Variants in DOK5 observed in about 807,000 individuals in gnomAD.
DOK5 encodes downstream of tyrosine kinase 5.
In DOK5, 27 loss-of-function variants were observed where a neutral mutation model predicts 43.3. That is an observed-to-expected ratio of 0.62 (90% CI 0.46 to 0.86). The LOEUF (loss-of-function observed/expected upper bound fraction) is 0.86. Ranked by LOEUF, DOK5 falls within the 40% of genes least tolerant of loss-of-function variation. DOK5 has a pLI of 0.00. For synonymous variants in DOK5, 146 were observed against 140.1 expected (o/e 1.04, Z -0.30); for missense variants, 373 against 392.9 (o/e 0.95, Z 0.43).
chr20:54,544,570 G>T (rs76518428), intron 1 of DOK5, among the ~76,000 whole-genome samples: 1,680 of 152,294 alleles, frequency 0.011, 38 homozygotes, highest in African/African-American at 0.039. Context: ...CAGAGGAATT[G>T]CAGTAGGGAA....
chr20:54,562,079 C>T (rs970266336), intron 2 of DOK5, among the ~76,000 whole-genome samples: 5 of 152,228 alleles, frequency 3.3e-5, no homozygotes, highest in African/African-American at 1.2e-4. Flanking sequence ...TTATTCACAG[C>T]CAGGAGTATC....
chr20:54,502,614 A>G (rs1600666262), intron 1 of DOK5, among the ~76,000 whole-genome samples: 1 of 152,178 alleles, frequency 6.6e-6, no homozygotes, highest in Non-Finnish European at 1.5e-5. Context: ...GCATATACAT[A>G]TATAGGTATA....
chr20:54,517,863 C>T (rs1189430230), intron 1 of DOK5, among the ~76,000 whole-genome samples: 1 of 152,152 alleles, frequency 6.6e-6, no homozygotes, highest in East Asian at 1.9e-4. Flanking sequence ...GTCTATGGAC[C>T]ATGAAATGGG....
chr20:54,494,798 A>C (rs1303098018), intron 1 of DOK5: 3 of 151,740 alleles, frequency 2.0e-5, no homozygotes, highest in African/African-American at 7.3e-5. Flanking sequence ...ACTCCCTCCA[A>C]GGTGCTGATC....
chr20:54,558,273 G>A (rs1352384207), intron 2 of DOK5, among the ~76,000 whole-genome samples: 3 of 152,164 alleles, frequency 2.0e-5, no homozygotes, highest in Admixed American at 1.3e-4. Context: ...TGAATAAAGG[G>A]AAGTTGAGGA....
intron 2 of DOK5, among the ~76,000 whole-genome samples, chr20:54,568,303 G>A (rs766071729): frequency 2.5e-4 from 38 of 152,258 alleles, no homozygotes; most frequent in Non-Finnish European, 4.7e-4. Context: ...TCTTAATAGC[G>A]TATACCTCTA....
At chr20:54,584,744 A>G (rs925943441) in intron 2 of DOK5, among the ~76,000 whole-genome samples, 1 of 147,864 alleles carries the variant, frequency 6.8e-6, no homozygotes, top group African/African-American at 2.6e-5. Flanking sequence ...TATACACTAT[A>G]ATATGTGTGT....
At chr20:54,512,527 C>T (rs1327400962) in intron 1 of DOK5, among the ~76,000 whole-genome samples, 1 of 152,080 alleles carries the variant, frequency 6.6e-6, no homozygotes, top group African/African-American at 2.4e-5. Context: ...GTAACAGCAG[C>T]CTACAGTGGG....
At chr20:54,476,255 A>T in intron 1 of DOK5, 1 of 951,334 alleles carries the variant, frequency 1.1e-6, no homozygotes, top group Middle Eastern at 5.4e-4. Context: ...GTTGGGCTTC[A>T]GTAGCCCCTG....
intron 5 of DOK5, among the ~76,000 whole-genome samples, chr20:54,607,737 G>T (rs1986514869): frequency 6.6e-6 from 1 of 151,988 alleles, no homozygotes; most frequent in Admixed American, 6.6e-5. Context: ...ACAAAAATTA[G>T]CTGGGAGTGG....
chr20:54,615,325 G>C (rs1345794551), intron 6 of DOK5, among the ~76,000 whole-genome samples: 1 of 152,210 alleles, frequency 6.6e-6, no homozygotes, highest in African/African-American at 2.4e-5. Context: ...AATCTATGCA[G>C]TCTGTGAATG....
intron 2 of DOK5, among the ~76,000 whole-genome samples, chr20:54,568,244 A>T (rs115155783): frequency 6.6e-6 from 1 of 152,368 alleles, no homozygotes; most frequent in Admixed American, 6.5e-5. Context: ...TTATGAAGTG[A>T]ATTGATTGTA....
chr20:54,563,593 T>C (rs1984985030), intron 2 of DOK5, among the ~76,000 whole-genome samples: 1 of 152,062 alleles, frequency 6.6e-6, no homozygotes, highest in African/African-American at 2.4e-5. Context: ...TGAGACTGAT[T>C]CTTATATCAG....
intron 7 of DOK5, among the ~76,000 whole-genome samples, chr20:54,646,257 T>G (rs983076162): frequency 7.2e-6 from 1 of 137,976 alleles, no homozygotes; most frequent in Non-Finnish European, 1.6e-5. Flanking sequence ...TGTTTTTTTT[T>G]TTTTTTTTTT....
At chr20:54,509,293 C>T (rs1174024476) in intron 1 of DOK5, among the ~76,000 whole-genome samples, 1 of 152,196 alleles carries the variant, frequency 6.6e-6, no homozygotes, top group African/African-American at 2.4e-5. Context: ...TGGGCTCCAG[C>T]GATTTTCCCA....
chr20:54,486,766 T>C (rs1311795428), intron 1 of DOK5, among the ~76,000 whole-genome samples: 1 of 152,184 alleles, frequency 6.6e-6, no homozygotes, highest in African/African-American at 2.4e-5. Flanking sequence ...ATACGAAAGA[T>C]GAATATACCA....
intron 1 of DOK5, among the ~76,000 whole-genome samples, chr20:54,496,602 C>A (rs1982402691): frequency 6.6e-6 from 1 of 151,924 alleles, no homozygotes; most frequent in East Asian, 1.9e-4. Flanking sequence ...CCCGTCTCTA[C>A]TAAAAATACA....
rs145796386 is a variant in DOK5 at position 54,641,000 on chromosome 20, C to G, written c.736-2458C>G. ...GAGGTGAGGGATATGTTAATTAGCTCAAATGAATTTTTTTATAGTATGTAC... is the reference window on the plus strand; with the variant it reads ...GAGGTGAGGGATATGTTAATTAGCTGAAATGAATTTTTTTATAGTATGTAC... On this transcript the variant is annotated intron_variant, in intron 6 of 7. Coordinates refer to ENST00000262593, the MANE Select transcript of DOK5 (RefSeq NM_018431.5). Among the ~76,000 whole-genome samples the G allele has an allele frequency of 5.6e-4, 86 of 152,220 alleles. 1 individual carries two copies. The East Asian group carries it at 0.014, about 25-fold the overall frequency.
intron 1 of DOK5, among the ~76,000 whole-genome samples, chr20:54,480,849 C>T (rs887284520): frequency 1.3e-5 from 2 of 152,120 alleles, no homozygotes; most frequent in African/African-American, 4.8e-5. Context: ...GCTCTCTCAC[C>T]TCCTTCAGCC....
Sources: allele counts gnomAD v4.1 joint callset (sites outside exome capture counted in the v4.1 genomes callset), GRCh38; gene constraint gnomAD v4.1.1; transcripts MANE v1.5; gene names NCBI Gene and HGNC (gene_info 2026-07-23, HGNC 2026-07-21).